CEP85L: variants seen among roughly 807,000 people sequenced by gnomAD.
CEP85L encodes centrosomal protein of 85 kDa-like.
In CEP85L, 60 loss-of-function variants were observed where a neutral mutation model predicts 100.3. That is an observed-to-expected ratio of 0.60 (90% confidence interval 0.49 to 0.74). The LOEUF (loss-of-function observed/expected upper bound fraction) is 0.74, where lower values mean the gene tolerates loss of function less well. CEP85L is among the 30% of genes least tolerant of loss of function. The pLI is 0.00. For missense variants in CEP85L, 973 were observed against 936.2 expected (o/e 1.04, Z -0.51); for synonymous variants, 319 against 322.7 (o/e 0.99, Z 0.12).
intron 2 of CEP85L, among the ~76,000 whole-genome samples, chr6:118,598,435 A>G (rs1781563523): frequency 6.6e-6 from 1 of 152,184 alleles, no homozygotes; most frequent in Admixed American, 6.5e-5. Flanking sequence ...TTGCAGATGT[A>G]ATCCGAGGTA....
chr6:118,535,806 T>C (rs904808991), intron 3 of CEP85L, among the ~76,000 whole-genome samples: 1 of 152,156 alleles, frequency 6.6e-6, no homozygotes, highest in Non-Finnish European at 1.5e-5. Flanking sequence ...CATATTGTTA[T>C]AATTATTCTA....
intron 4 of CEP85L, among the ~76,000 whole-genome samples, chr6:118,512,870 C>CA (rs1182297616): frequency 6.6e-6 from 1 of 151,458 alleles, no homozygotes; most frequent in African/African-American, 2.4e-5. Context: ...ATTGGGAGTA[C>CA]AAAAAAAGCA....
At chr6:118,693,547 C>T (rs1777111907) in intron 1 of CEP85L, among the ~76,000 whole-genome samples, 1 of 152,190 alleles carries the variant, frequency 6.6e-6, no homozygotes, top group Non-Finnish European at 1.5e-5. Context: ...AGGAGCCTCA[C>T]TGCAAACAAT....
chr6:118,565,264 T>C (rs1450196826), intron 3 of CEP85L: 3 of 454,062 alleles, frequency 6.6e-6, no homozygotes, highest in East Asian at 4.0e-5. Flanking sequence ...TGAGTATGTT[T>C]TGCTTTATTT....
intron 2 of CEP85L, among the ~76,000 whole-genome samples, chr6:118,613,590 C>A (rs1166487646): frequency 1.3e-5 from 2 of 151,798 alleles, no homozygotes; most frequent in African/African-American, 4.8e-5. Flanking sequence ...AATCCTCTCT[C>A]TACTAAAACT....
intron 1 of CEP85L, among the ~76,000 whole-genome samples, chr6:118,673,925 A>C (rs1187009826): frequency 6.6e-6 from 1 of 152,248 alleles, no homozygotes; most frequent in African/African-American, 2.4e-5. Context: ...AAATCTCTAA[A>C]TCTTAAAAAA....
chr6:118,661,558 G>A (rs920763136), intron 1 of CEP85L, among the ~76,000 whole-genome samples: 5 of 151,882 alleles, frequency 3.3e-5, no homozygotes, highest in African/African-American at 1.2e-4. Context: ...TAGTTAAAAT[G>A]TTTAGGACTA....
intron 5 of CEP85L, among the ~76,000 whole-genome samples, chr6:118,494,535 C>A (rs916613574): frequency 1.3e-5 from 2 of 152,136 alleles, no homozygotes; most frequent in African/African-American, 4.8e-5. Flanking sequence ...CTCCTTTGGC[C>A]TTCCCTGTGG....
At chr6:118,552,709 C>T (rs1274936201) in intron 3 of CEP85L, among the ~76,000 whole-genome samples, 3 of 151,528 alleles carry the variant, frequency 2.0e-5, no homozygotes, top group Non-Finnish European at 4.4e-5. Context: ...AGGACGACAA[C>T]CAAAGGATTT....
At chr6:118,635,049 C>T (rs1774407868) in intron 1 of CEP85L, among the ~76,000 whole-genome samples, 1 of 152,088 alleles carries the variant, frequency 6.6e-6, no homozygotes, top group African/African-American at 2.4e-5. Context: ...ATTTTTGTGG[C>T]CTTGCAAATT....
intron 3 of CEP85L, among the ~76,000 whole-genome samples, chr6:118,558,632 C>CACACACAA (rs1251779504): frequency 1.1e-5 from 1 of 89,392 alleles, no homozygotes; most frequent in Non-Finnish European, 2.4e-5. Flanking sequence ...CACATACACA[C>CACACACAA]ACACACACAC....
intron 1 of CEP85L, among the ~76,000 whole-genome samples, chr6:118,637,576 A>C (rs914534974): frequency 6.6e-6 from 1 of 151,500 alleles, no homozygotes; most frequent in Non-Finnish European, 1.5e-5. Context: ...GCCTCTGTGC[A>C]TGGTGGCACA....
intron 2 of CEP85L, among the ~76,000 whole-genome samples, chr6:118,569,920 A>C (rs1779785699): frequency 6.6e-6 from 1 of 152,184 alleles, no homozygotes; most frequent in Admixed American, 6.5e-5. Flanking sequence ...ATTCTCTATC[A>C]TATTCAGAAA....
In CEP85L at chr6:118,566,124, T is replaced by A. The variant is rs915147792; in HGVS notation, c.425A>T (p.Asp142Val). 19 of 1,613,726 alleles carry A rather than the reference T, an allele frequency of 1.2e-5. No homozygotes were observed. Among genetic ancestry groups the A allele is most frequent in the African/African-American group, 2.7e-5 (2 of 74,834 alleles). Residue 142 changes from aspartate (D) to valine (V), a missense_variant, in exon 3 of 13, where the codon GAC becomes GTC. Around this residue, in one of 3 missense-constraint regions of CEP85L, gnomAD observed 890 missense variants for 844.5 expected, o/e 1.05. Transcript: ENST00000368491. ...TLGNHSRGEQ[D>V]SSLDMKDFRP... ...GAAGTCCTTCATGTCTAGGGAAGAG[T>A]CCTGCTCCCCCCTACTGTGGTTTCC... is the stretch of plus-strand genomic sequence containing the variant.
At chr6:118,545,145 T>C (rs114773110) in intron 3 of CEP85L, among the ~76,000 whole-genome samples, 1,868 of 152,314 alleles carry the variant, frequency 0.012, 38 homozygotes, top group African/African-American at 0.043. Flanking sequence ...TGCTTTAATT[T>C]AGTCATCACT....
chr6:118,606,044 A>G (rs1439861021), intron 2 of CEP85L, among the ~76,000 whole-genome samples: 1 of 151,964 alleles, frequency 6.6e-6, no homozygotes, highest in Admixed American at 6.6e-5. Context: ...GGAAAGCCAA[A>G]AAACAAATGG....
At chr6:118,476,694 T>C (rs1582867830) in intron 10 of CEP85L, among the ~76,000 whole-genome samples, 1 of 152,320 alleles carries the variant, frequency 6.6e-6, no homozygotes, top group East Asian at 1.9e-4. Context: ...GTGTTATAAA[T>C]AGAACAGACT....
At chr6:118,706,702 A>T (rs2114385039) in intron 1 of CEP85L, among the ~76,000 whole-genome samples, 1 of 152,220 alleles carries the variant, frequency 6.6e-6, no homozygotes, top group African/African-American at 2.4e-5. Flanking sequence ...CCACCATGTC[A>T]TATTTTCTTT....
chr6:118,617,572 C>G (rs1191192956), intron 2 of CEP85L, among the ~76,000 whole-genome samples: 1 of 152,186 alleles, frequency 6.6e-6, no homozygotes, highest in Non-Finnish European at 1.5e-5. Context: ...GAACATACTT[C>G]CCGCCTCACA....
Sources: allele counts gnomAD v4.1 joint callset (sites outside exome capture counted in the v4.1 genomes callset), GRCh38; gene constraint gnomAD v4.1.1; regional missense constraint gnomAD v4.1.1; transcripts MANE v1.5; gene names NCBI Gene and HGNC (gene_info 2026-07-23, HGNC 2026-07-21).